Variants in OR2AP1 observed in about 807,000 individuals in gnomAD.
OR2AP1 encodes the protein olfactory receptor family 2 subfamily AP member 1, also known as olfactory receptor 2AP1.
Under a neutral mutation model 13.9 loss-of-function variants are expected in OR2AP1, and 20 were observed. The observed-to-expected ratio is 1.44, with a 90% CI of 1.01 to 2.09. The LOEUF is 2.09. Among genes scored for constraint, OR2AP1 ranks in the 30% most tolerant of loss-of-function variants. The pLI is 0.00. For synonymous variants in OR2AP1, 174 were observed against 137.0 expected, an observed-to-expected ratio of 1.27 and a Z score of -1.89; for missense variants, 490 against 360.6, an observed-to-expected ratio of 1.36 and a Z score of -2.91.
chr12:55,574,452 T>A lies in OR2AP1; in HGVS notation c.38T>A (p.Leu13Gln). Residue 13 changes from leucine (L) to glutamine (Q), a missense_variant, in exon 2 of 2, where the codon CTG becomes CAG. By Grantham distance (113) the Leu-to-Gln change is moderately radical. Coordinates refer to ENST00000641114, the MANE Select transcript of OR2AP1 (RefSeq NM_001258285.2). ...ACCGTGTTAACTGAGTTTATCCTTC[T>A]GGGTCTAACAGATGTCCCTGAACTC... ...NKTVLTEFIL[L>Q]GLTDVPELQV... 6.5e-7 allele frequency: 1 copy of A among 1,534,726 alleles called. No homozygotes were observed.
rs1592346693 is a variant in OR2AP1 at position 55,575,392 on chromosome 12, T to C, written c.*48T>C. On this transcript the variant is annotated 3_prime_UTR_variant, in exon 2 of 2. Coordinates refer to ENST00000641114, the MANE Select transcript of OR2AP1 (RefSeq NM_001258285.2). Reference sequence around the variant, plus strand: ...CGACATTATTCACAATAGCAAAGACTTGGAACCAACCCAAATGTCCAACAA... The same window carrying C: ...CGACATTATTCACAATAGCAAAGACCTGGAACCAACCCAAATGTCCAACAA... 1 of 1,117,946 alleles carries C rather than the reference T, an allele frequency of 8.9e-7. No homozygotes were observed. Among genetic ancestry groups the C allele is most frequent in the Non-Finnish European group, 1.2e-6 (1 of 801,858 alleles). The allele number at this position is 1,117,946 out of a possible 1,614,324, so 69.3% of individuals were successfully genotyped here.
chr12:55,575,194 C>T lies in OR2AP1; in HGVS notation c.780C>T (p.Pro260=). The change falls in exon 2 of 2, where the codon CCC becomes CCT. Residue 260 remains proline (P), a synonymous_variant. Transcript: ENST00000641114. Reference sequence around the variant, plus strand: ...GCTGCATGTTTATGTACATTAATCCCTCTGCAAAAGAAGGGGATACATTCA... The same window carrying T: ...GCTGCATGTTTATGTACATTAATCCTTCTGCAAAAGAAGGGGATACATTCA... ...YGSCMFMYIN[P]SAKEGDTFNK... 6.3e-7 allele frequency: 1 copy of T among 1,596,966 alleles called. No homozygotes were observed. The highest frequency in any genetic ancestry group is 1.3e-5 in the African/African-American group (1 of 74,862).
Position 55,574,986 on chromosome 12 carries a change from G to A in OR2AP1, c.572G>A (p.Ser191Asn). The change falls in exon 2 of 2, where the codon AGC becomes AAC. Residue 191 changes from serine (S) to asparagine (N), a missense_variant. Ser to Asn is a conservative substitution (Grantham distance 46). Coordinates refer to ENST00000641114, the MANE Select transcript of OR2AP1 (RefSeq NM_001258285.2). The part of the protein sequence containing the change: ...PLLELSCSDT[S>N]LIEKVVFLVA... ...CTGGAACTCTCATGTTCAGACACAA[G>A]CCTCATAGAGAAGGTTGTCTTTCTT... 2.0e-6 allele frequency: 3 copies of A among 1,537,292 alleles called. No individual in the cohort carries two copies. Among genetic ancestry groups the A allele is most frequent in the East Asian group, 2.4e-5 (1 of 40,916 alleles).
chr12:55,574,438 T>C lies in OR2AP1; in HGVS notation c.24T>C (p.Thr8=). Residue 8 remains threonine (T), a synonymous_variant, in exon 2 of 2, where the codon ACT becomes ACC. Coordinates refer to ENST00000641114, the MANE Select transcript of OR2AP1 (RefSeq NM_001258285.2). MKNKTVL[T]EFILLGLTDV... ...CAATGAAAAATAAAACCGTGTTAACTGAGTTTATCCTTCTGGGTCTAACAG... is the reference window on the plus strand; with the variant it reads ...CAATGAAAAATAAAACCGTGTTAACCGAGTTTATCCTTCTGGGTCTAACAG... 6.5e-7 allele frequency: 1 copy of C among 1,526,792 alleles called. No homozygotes were observed. The allele number at this position is 1,526,792 out of a possible 1,614,324, so 94.6% of individuals were successfully genotyped here. A position where few individuals can be genotyped will look rare whatever the true frequency, so the allele number is the denominator to read the frequency against.
Position 55,575,208 on chromosome 12 carries a change from G to A in OR2AP1, c.794G>A (p.Gly265Glu), listed in dbSNP as rs1458880186. The A allele has an allele frequency of 1.3e-5, 21 of 1,589,574 alleles. No homozygotes were observed. Among genetic ancestry groups the A allele is most frequent in the East Asian group, 2.3e-5 (1 of 44,380 alleles). The change falls in exon 2 of 2, where the codon GGG (glycine) becomes GAG (glutamate). Residue 265 changes from glycine (G) to glutamate (E), a missense_variant. Gly to Glu is a moderately conservative substitution (Grantham distance 98). Coordinates refer to ENST00000641114, the MANE Select transcript of OR2AP1 (RefSeq NM_001258285.2). ...FMYINPSAKE[G>E]DTFNKGVALL... ...TACATTAATCCCTCTGCAAAAGAAGGGGATACATTCAACAAGGGAGTAGCT... is the reference window on the plus strand; with the variant it reads ...TACATTAATCCCTCTGCAAAAGAAGAGGATACATTCAACAAGGGAGTAGCT...
At position 55,575,186 on chromosome 12, in the gene OR2AP1, A is replaced by G. The variant is rs557910812; in HGVS notation, c.772A>G (p.Ile258Val). The stretch of plus-strand genomic sequence containing the variant: ...TTACGGAAGCTGCATGTTTATGTAC[A>G]TTAATCCCTCTGCAAAAGAAGGGGA... ...LSYGSCMFMYINPSAKEGDTF... is the reference protein window; with the variant it reads ...LSYGSCMFMYVNPSAKEGDTF... Residue 258 changes from isoleucine (I) to valine (V), a missense_variant, in exon 2 of 2, where the codon ATT becomes GTT. Transcript: ENST00000641114. The G allele has an allele frequency of 6.3e-7, 1 of 1,599,486 alleles. No individual in the cohort carries two copies.
chr12:55,574,330 A>ATC lies in OR2AP1; in HGVS notation c.-84_-83dup. On this transcript the variant is annotated 5_prime_UTR_variant, in exon 2 of 2. Coordinates refer to ENST00000641114, the MANE Select transcript of OR2AP1 (RefSeq NM_001258285.2). ...TTTCATTTTTTTCTTGTCAGACTTC[A>ATC]TCCGTTCATTTCAGAGCACCTCTTC... 1 of 689,432 alleles carries ATC rather than the reference A, an allele frequency of 1.5e-6. No individual in the cohort carries two copies. The highest frequency in any genetic ancestry group is 2.4e-6 in the Non-Finnish European group (1 of 415,232). 42.7% of individuals were successfully genotyped at this position (689,432 alleles called of 1,614,324 possible).
At chr12:55,573,099 G>A (rs940875544) in intron 1 of OR2AP1, among the ~76,000 whole-genome samples, 1 of 152,070 alleles carries the variant, frequency 6.6e-6, no homozygotes, top group Non-Finnish European at 1.5e-5. Context: ...GATCACTAGA[G>A]GCCAGGAGGT....
chr12:55,575,402 C>A lies in OR2AP1; in HGVS notation c.*58C>A, dbSNP rs550523970. ...CACAATAGCAAAGACTTGGAACCAA[C>A]CCAAATGTCCAACAATGATAGACTG... On this transcript the variant is annotated 3_prime_UTR_variant, in exon 2 of 2. Transcript: ENST00000641114. The A allele has an allele frequency of 3.2e-5, 29 of 917,280 alleles. No individual in the cohort carries two copies. In the African/African-American group the frequency reaches 4.7e-4, roughly 15 times the overall value. The allele number at this position is 917,280 out of a possible 1,614,324, so 56.8% of individuals were successfully genotyped here.
At position 55,573,201 on chromosome 12, in the gene OR2AP1, T is replaced by A. The variant is rs185805502; in HGVS notation, c.-196+579T>A. 8.5e-3 allele frequency among the ~76,000 whole-genome samples: 1,284 copies of A among 151,940 alleles called. 16 individuals carry two copies. Among genetic ancestry groups the A allele is most frequent in the Non-Finnish European group, 0.011 (727 of 67,968 alleles). ...TCAAAATACATATATATATATATAT[T>A]ATACCTTATGTGGTAAGGAACGCTC... On this transcript the variant is annotated intron_variant, in intron 1 of 1. Coordinates refer to ENST00000641114, the MANE Select transcript of OR2AP1 (RefSeq NM_001258285.2).
In OR2AP1 at chr12:55,574,694, G is replaced by C. The variant is rs1299036070; in HGVS notation, c.280G>C (p.Gly94Arg). 6.4e-7 allele frequency: 1 copy of C among 1,557,448 alleles called. No individual in the cohort carries two copies. The highest frequency in any genetic ancestry group is 8.7e-7 in the Non-Finnish European group (1 of 1,152,008). Residue 94 changes from glycine to arginine, a missense_variant, in exon 2 of 2, where the codon GGC becomes CGC. Coordinates refer to ENST00000641114, the MANE Select transcript of OR2AP1 (RefSeq NM_001258285.2). ...AGGGAACAAGAGTATCAGCTTTGCT[G>C]GCTGCTTCACTCAGTATTTCTTTGC... is the stretch of plus-strand genomic sequence containing the variant. ...TTGNKSISFA[G>R]CFTQYFFAMF... is the part of the protein sequence containing the mutation.
In OR2AP1 at chr12:55,575,228, G is replaced by C. The variant is rs1209064873; in HGVS notation, c.814G>C (p.Val272Leu). 6.3e-7 allele frequency: 1 copy of C among 1,575,836 alleles called. No individual in the cohort carries two copies. The highest frequency in any genetic ancestry group is 2.3e-5 in the East Asian group (1 of 43,694). Residue 272 changes from valine to leucine, a missense_variant, in exon 2 of 2, where the codon GTA (valine) becomes CTA (leucine). Coordinates refer to ENST00000641114, the MANE Select transcript of OR2AP1 (RefSeq NM_001258285.2). Reference protein sequence around the residue: ...AKEGDTFNKGVALLITSVAPL... With the variant: ...AKEGDTFNKGLALLITSVAPL... ...AGAAGGGGATACATTCAACAAGGGA[G>C]TAGCTCTACTCATTACTTCAGTTGC...
chr12:55,575,323 CA>C lies in OR2AP1; in HGVS notation c.914del (p.Lys305SerfsTer3), dbSNP rs1360007837. 2.0e-6 allele frequency: 3 copies of C among 1,504,618 alleles called. No individual in the cohort carries two copies. The Admixed American group carries it at 6.5e-5, about 33-fold the overall frequency. The allele number at this position is 1,504,618 out of a possible 1,614,324, so 93.2% of individuals were successfully genotyped here. On this transcript the variant is annotated frameshift_variant, in exon 2 of 2. Transcript: ENST00000641114. LOFTEE classifies it high-confidence loss of function. ...QVKQPFKDMV[K>X]KLLNL ...TAAAACAACCCTTCAAGGATATGGT[CA>C]AAAAGCTTCTGAATCTTTAAAGAAT...
chr12:55,574,550 C>G lies in OR2AP1; in HGVS notation c.136C>G (p.Leu46Val), dbSNP rs1265453084. Reference protein sequence around the residue: ...SILGNLTILILTLLDSHLQTP... With the variant: ...SILGNLTILIVTLLDSHLQTP... ...CCTTGGAAATCTGACTATCCTCATC[C>G]TCACCTTGCTGGACTCCCACCTTCA... Residue 46 changes from leucine (L) to valine (V), a missense_variant, in exon 2 of 2, where the codon CTC becomes GTC. By Grantham distance (32) the Leu-to-Val change is conservative. Coordinates refer to ENST00000641114, the MANE Select transcript of OR2AP1 (RefSeq NM_001258285.2). 1 of 1,539,626 alleles carries G rather than the reference C, an allele frequency of 6.5e-7. No homozygotes were observed. The highest frequency in any genetic ancestry group is 8.7e-7 in the Non-Finnish European group (1 of 1,148,150).
chr12:55,573,608 T>G (rs17117676), intron 1 of OR2AP1, among the ~76,000 whole-genome samples: 3,386 of 152,292 alleles, frequency 0.022, 117 homozygotes, highest in African/African-American at 0.076. Flanking sequence ...GGTTTAAAAG[T>G]TCTTGCTTTA....
rs867747141 is a variant in OR2AP1 at position 55,574,580 on chromosome 12, C to T, written c.166C>T (p.Pro56Ser). ...LTLLDSHLQT[P>S]MYFFLRNFSF... ...CTTGCTGGACTCCCACCTTCAGACT[C>T]CCATGTATTTCTTTCTCCGGAACTT... The change falls in exon 2 of 2, where the codon CCC becomes TCC. Residue 56 changes from proline to serine, a missense_variant. By Grantham distance (74) the Pro-to-Ser change is moderately conservative. Transcript: ENST00000641114. 6.5e-7 allele frequency: 1 copy of T among 1,540,466 alleles called. No homozygotes were observed. The highest frequency in any genetic ancestry group is 1.4e-5 in the African/African-American group (1 of 73,044).
Position 55,575,148 on chromosome 12 carries a change from T to C in OR2AP1, c.734T>C (p.Val245Ala), listed in dbSNP as rs752133100. 1 of 1,601,702 alleles carries C rather than the reference T, an allele frequency of 6.2e-7. No homozygotes were observed. Among genetic ancestry groups the C allele is most frequent in the Non-Finnish European group, 8.5e-7 (1 of 1,178,428 alleles). Residue 245 changes from valine (V) to alanine (A), a missense_variant, in exon 2 of 2, where the codon GTC becomes GCC. Physicochemically the swap from Val to Ala is moderately conservative, Grantham distance 64. Coordinates refer to ENST00000641114, the MANE Select transcript of OR2AP1 (RefSeq NM_001258285.2). ...AFSTCSSHMI[V>A]ISLSYGSCMF... ...TCCACATGTTCTTCCCACATGATTG[T>C]CATCTCCCTCTCTTACGGAAGCTGC...
At position 55,575,140 on chromosome 12, in the gene OR2AP1, CAT is replaced by C; in HGVS notation, c.727_728del (p.Met243AspfsTer16). On this transcript the variant is annotated frameshift_variant, in exon 2 of 2. Transcript: ENST00000641114. LOFTEE classifies it high-confidence loss of function. Reference protein sequence around the residue: ...TKAFSTCSSHMIVISLSYGSC... With the variant: ...TKAFSTCSSHXIVISLSYGSC... Reference sequence around the variant, plus strand: ...AAGCCTTTTCCACATGTTCTTCCCACATGATTGTCATCTCCCTCTCTTACGGA... The same window carrying C: ...AAGCCTTTTCCACATGTTCTTCCCACGATTGTCATCTCCCTCTCTTACGGA... 3.1e-6 allele frequency: 5 copies of C among 1,600,964 alleles called. No homozygotes were observed. The highest frequency in any genetic ancestry group is 1.3e-5 in the African/African-American group (1 of 74,942).
In OR2AP1 at chr12:55,574,656, T is replaced by C. The variant is rs1874509915; in HGVS notation, c.242T>C (p.Ile81Thr). 21 of 1,546,578 alleles carry C rather than the reference T, an allele frequency of 1.4e-5. No individual in the cohort carries two copies. Among genetic ancestry groups the C allele is most frequent in the Non-Finnish European group, 1.8e-5 (21 of 1,149,166 alleles). The change falls in exon 2 of 2, where the codon ATT becomes ACT. Residue 81 changes from isoleucine (I) to threonine (T), a missense_variant. Transcript: ENST00000641114. ...AACATCTTCATTCCAAGGGTCCTGA[T>C]TAGCATCACAACAGGGAACAAGAGT... ...FTNIFIPRVL[I>T]SITTGNKSIS... is the part of the protein sequence containing the mutation.
Sources: gnomAD v4.1 joint callset for allele counts (sites outside exome capture counted in the v4.1 genomes callset) on GRCh38, gnomAD v4.1.1 for gene constraint, MANE v1.5 for transcripts, NCBI Gene and HGNC (gene_info 2026-07-23, HGNC 2026-07-21) for gene names.